GATC: variants seen among roughly 807,000 people sequenced by gnomAD.
The protein encoded by GATC is glutamyl-tRNA amidotransferase subunit C.
In GATC, 11 loss-of-function variants were observed where a neutral mutation model predicts 14.4. The observed-to-expected ratio is 0.77, with a 90% CI of 0.48 to 1.27. GATC has a LOEUF of 1.27. GATC is among the 50% of genes most tolerant of loss of function. The probability of loss-of-function intolerance (pLI) is 0.00; values close to 1 mark genes in which losing one functional copy is unlikely to be tolerated. For synonymous variants in GATC, 76 were observed against 79.3 expected (o/e 0.96, Z 0.22); for missense variants, 204 against 183.0 (o/e 1.11, Z -0.66).
chr12:120,451,101 G>A (rs555932699), intron 2 of GATC, among the ~76,000 whole-genome samples: 48 of 135,552 alleles, frequency 3.5e-4, no homozygotes, highest in African/African-American at 1.3e-3. Flanking sequence ...CTGAGATCAC[G>A]CCACTGCACT....
At chr12:120,452,572 C>CT (rs913463793) in intron 2 of GATC, among the ~76,000 whole-genome samples, 14 of 151,318 alleles carry the variant, frequency 9.3e-5, no homozygotes, top group Non-Finnish European at 1.8e-4. Context: ...TTCTTTGTTA[C>CT]TTTTTTTTTG....
chr12:120,454,839 T>TAC (rs35656493), intron 2 of GATC: 125,164 of 175,840 alleles, frequency 0.71, 46,283 homozygotes, highest in African/African-American at 0.91. Context: ...CTTAAATGAA[T>TAC]ACAGTCCTTG....
At chr12:120,454,128 A>C (rs1170316734) in intron 2 of GATC, among the ~76,000 whole-genome samples, 2 of 152,140 alleles carry the variant, frequency 1.3e-5, no homozygotes, top group Non-Finnish European at 2.9e-5. Flanking sequence ...GTCTTCCCAA[A>C]CCTTCAGATG....
In GATC at chr12:120,446,839, C is replaced by T; in HGVS notation, c.254+10C>T. ...CGGTCCTGGAGGACAGGTAAACTCG[C>T]GGCTGCAGCCCCGAAGCCTTGACCG... On this transcript the variant is annotated intron_variant, in intron 2 of 3. Coordinates refer to ENST00000551765, the MANE Select transcript of GATC (RefSeq NM_176818.3). 1.3e-6 allele frequency: 2 copies of T among 1,583,912 alleles called. No individual in the cohort carries two copies. Among genetic ancestry groups the T allele is most frequent in the Non-Finnish European group, 1.7e-6 (2 of 1,160,716 alleles).
chr12:120,456,176 G>A (rs1485241488), intron 2 of GATC, among the ~76,000 whole-genome samples: 1 of 152,112 alleles, frequency 6.6e-6, no homozygotes, highest in East Asian at 1.9e-4. Flanking sequence ...CTAAGTATCT[G>A]GAAGCAGGCT....
intron 2 of GATC, among the ~76,000 whole-genome samples, chr12:120,449,107 T>C (rs1182458756): frequency 3.3e-5 from 5 of 151,760 alleles, no homozygotes; most frequent in Admixed American, 3.3e-4. Flanking sequence ...GGTCTACAAG[T>C]GCCCACTACC....
chr12:120,446,627 C>T (rs1877873593), intron 1 of GATC, 30 bp from the exon 2 acceptor site: 13 of 1,596,582 alleles, frequency 8.1e-6, no homozygotes, highest in Non-Finnish European at 1.1e-5. Flanking sequence ...GCGCCGGTGA[C>T]CCACACTCCC....
Position 120,462,148 on chromosome 12 carries a change from G to A in GATC, c.*2189G>A, listed in dbSNP as rs757222703. 17 of 1,611,642 alleles carry A rather than the reference G, an allele frequency of 1.1e-5. No homozygotes were observed. In the African/African-American group the frequency reaches 1.9e-4, roughly 18 times the overall value. ...TGCTTCTCTCAGGATAAACTCGGAT[G>A]TAGGAAGTTTCACCCTGAAATGCAA... On this transcript the variant is annotated 3_prime_UTR_variant, in exon 4 of 4. Transcript: ENST00000551765.
chr12:120,452,319 G>C (rs1361479466), intron 2 of GATC, among the ~76,000 whole-genome samples: 1 of 152,170 alleles, frequency 6.6e-6, no homozygotes, highest in African/African-American at 2.4e-5. Flanking sequence ...TTGGAACTCA[G>C]AGCTTCTGCT....
At chr12:120,459,545 G>A (rs374898482) in intron 3 of GATC, among the ~76,000 whole-genome samples, 7 of 152,242 alleles carry the variant, frequency 4.6e-5, no homozygotes, top group African/African-American at 1.4e-4. Flanking sequence ...CCAGCTGGGC[G>A]GCAGGCTCAG....
Position 120,460,980 on chromosome 12 carries a change from G to T in GATC, c.*1021G>T, listed in dbSNP as rs1425035425. The stretch of plus-strand genomic sequence containing the variant: ...AGATCGCACCACTGCACTCCAGCCT[G>T]GGCGACAGAGCAAGTCTCAAAAAAA... On this transcript the variant is annotated 3_prime_UTR_variant, in exon 4 of 4. Coordinates refer to ENST00000551765, the MANE Select transcript of GATC (RefSeq NM_176818.3). The T allele has an allele frequency of 7.2e-6, 1 of 138,450 alleles. No homozygotes were observed. The highest frequency in any genetic ancestry group is 2.8e-5 in the African/African-American group (1 of 35,444). The allele number at this position is 138,450 out of a possible 1,614,324, so 8.6% of individuals were successfully genotyped here. A position where few individuals can be genotyped will look rare whatever the true frequency, so the allele number is the denominator to read the frequency against.
At position 120,461,890 on chromosome 12, in the gene GATC, T is replaced by C. The variant is rs1878350165; in HGVS notation, c.*1931T>C. 1 of 1,014,016 alleles carries C rather than the reference T, an allele frequency of 9.9e-7. No individual in the cohort carries two copies. Among genetic ancestry groups the C allele is most frequent in the Non-Finnish European group, 1.3e-6 (1 of 751,582 alleles). The allele number at this position is 1,014,016 out of a possible 1,614,324, so 62.8% of individuals were successfully genotyped here. A position where few individuals can be genotyped will look rare whatever the true frequency, so the allele number is the denominator to read the frequency against. On this transcript the variant is annotated 3_prime_UTR_variant, in exon 4 of 4. Coordinates refer to ENST00000551765, the MANE Select transcript of GATC (RefSeq NM_176818.3). ...CCCTGGTAGAAATTATGTAGTTTTT[T>C]TTCTTCTTTAAAAAAAAAAAATTAA...
intron 3 of GATC, among the ~76,000 whole-genome samples, chr12:120,459,650 A>C (rs1878277643): frequency 6.6e-6 from 1 of 152,118 alleles, no homozygotes; most frequent in African/African-American, 2.4e-5. Flanking sequence ...AGGTCAGGAG[A>C]TCGAGACCAT....
intron 2 of GATC, among the ~76,000 whole-genome samples, chr12:120,455,932 C>T (rs547149483): frequency 2.0e-5 from 3 of 151,922 alleles, no homozygotes; most frequent in Non-Finnish European, 4.4e-5. Flanking sequence ...GTGATCCGCC[C>T]ACCTCGGCCT....
At chr12:120,453,989 T>A (rs1377169614) in intron 2 of GATC, among the ~76,000 whole-genome samples, 1 of 152,190 alleles carries the variant, frequency 6.6e-6, no homozygotes, top group Non-Finnish European at 1.5e-5. Flanking sequence ...TTTGTTTTCC[T>A]GGAAATTTCA....
intron 2 of GATC, among the ~76,000 whole-genome samples, chr12:120,449,105 A>G (rs1179460): frequency 0.73 from 110,786 of 151,682 alleles, 41,607 homozygotes; most frequent in African/African-American, 0.91. Flanking sequence ...TGGGTCTACA[A>G]GTGCCCACTA....
In GATC at chr12:120,462,507, G is replaced by A. The variant is rs934961218; in HGVS notation, c.*2548G>A. On this transcript the variant is annotated 3_prime_UTR_variant, in exon 4 of 4. Coordinates refer to ENST00000551765, the MANE Select transcript of GATC (RefSeq NM_176818.3). ...GCTAAGAACTGGAAAGGATCTCAGG[G>A]GTCATATAGTTTAATCCCCTGCCAC... The A allele has an allele frequency of 4.3e-5, 8 of 185,630 alleles. No individual in the cohort carries two copies. Among genetic ancestry groups the A allele is most frequent in the Middle Eastern group, 2.3e-3 (1 of 426 alleles). 11.5% of individuals were successfully genotyped at this position (185,630 alleles called of 1,614,324 possible).
chr12:120,450,042 A>G (rs1221900777), intron 2 of GATC, among the ~76,000 whole-genome samples: 1 of 152,168 alleles, frequency 6.6e-6, no homozygotes, highest in Admixed American at 6.6e-5. Flanking sequence ...GATTACAGGC[A>G]TGAGCCACCA....
At chr12:120,450,660 T>G (rs910338588) in intron 2 of GATC, 6 of 155,188 alleles carry the variant, frequency 3.9e-5, no homozygotes, top group Non-Finnish European at 8.7e-5. Flanking sequence ...ATTGCAAATT[T>G]CCGGTCTCTT....
Sources: allele counts gnomAD v4.1 joint callset (sites outside exome capture counted in the v4.1 genomes callset), GRCh38; gene constraint gnomAD v4.1.1; transcripts MANE v1.5; gene names NCBI Gene and HGNC (gene_info 2026-07-23, HGNC 2026-07-21).